The following ADGRB3 variants were observed in gnomAD, a reference collection of about 807,000 sequenced individuals.
ADGRB3 encodes the protein adhesion G protein-coupled receptor B3, also known as brain-specific angiogenesis inhibitor 3.
ADGRB3 carries 37 observed loss-of-function variants against 193.4 expected under a neutral mutation model. The ratio of observed to expected loss-of-function variants is 0.19; its 90% CI spans 0.15 to 0.25. ADGRB3 has a LOEUF of 0.25. ADGRB3 is among the 10% of genes least tolerant of loss of function. The probability of loss-of-function intolerance (pLI) is 1.00; values close to 1 mark genes in which losing one functional copy is unlikely to be tolerated. For missense variants in ADGRB3, 1,637 were observed against 1,852.9 expected (o/e 0.88, Z 2.14); for synonymous variants, 690 against 644.2 (o/e 1.07, Z -1.08).
At chr6:69,136,347 CA>C (rs563176611) in intron 17 of ADGRB3, among the ~76,000 whole-genome samples, 41 of 151,842 alleles carry the variant, frequency 2.7e-4, no homozygotes, top group Admixed American at 9.8e-4. Context: ...ATGATAACCT[CA>C]AAAAAATGAA....
chr6:69,000,316 G>A (rs2150278563), intron 11 of ADGRB3, among the ~76,000 whole-genome samples: 1 of 152,290 alleles, frequency 6.6e-6, no homozygotes, highest in East Asian at 1.9e-4. Context: ...TACAGGATTA[G>A]GTCCCTTTGA....
rs553037291 is a variant in ADGRB3 at position 69,143,323 on chromosome 6, C to T, written c.2480+67285C>T. Among the ~76,000 whole-genome samples the T allele has an allele frequency of 1.6e-4, 24 of 152,052 alleles. No homozygotes were observed. In the South Asian group the frequency reaches 1.9e-3, roughly 12 times the overall value. On this transcript the variant is annotated intron_variant, in intron 17 of 31. Transcript: ENST00000370598. ...TGGATAGTTTGAAAATATTTTCTCTCATTCTTTGGGTTGTCTCTTCACTTT... is the reference window on the plus strand; with the variant it reads ...TGGATAGTTTGAAAATATTTTCTCTTATTCTTTGGGTTGTCTCTTCACTTT...
At chr6:68,653,931 G>T (rs1469090575) in intron 3 of ADGRB3, among the ~76,000 whole-genome samples, 1 of 149,898 alleles carries the variant, frequency 6.7e-6, no homozygotes, top group East Asian at 2.0e-4. Flanking sequence ...TTCCTCCTTT[G>T]TTATTTTACT....
intron 17 of ADGRB3, among the ~76,000 whole-genome samples, chr6:69,103,857 A>T (rs1773135897): frequency 6.6e-6 from 1 of 151,698 alleles, no homozygotes. Context: ...TCAGGCAGTG[A>T]CAGTAGGAAA....
intron 3 of ADGRB3, among the ~76,000 whole-genome samples, chr6:68,822,190 A>G (rs2127380602): frequency 6.6e-6 from 1 of 152,026 alleles, no homozygotes; most frequent in South Asian, 2.1e-4. Context: ...GAGAAGACAG[A>G]CTAATCTCAA....
intron 17 of ADGRB3, among the ~76,000 whole-genome samples, chr6:69,173,720 A>AGG (rs1273217867): frequency 6.6e-6 from 1 of 152,066 alleles, no homozygotes; most frequent in Non-Finnish European, 1.5e-5. Context: ...CAGGACCTAG[A>AGG]GGGAATGGAA....
intron 17 of ADGRB3, among the ~76,000 whole-genome samples, chr6:69,229,264 A>T (rs1171048098): frequency 6.6e-6 from 1 of 152,184 alleles, no homozygotes; most frequent in African/African-American, 2.4e-5. Context: ...CTTCTATATT[A>T]TGAGAATAAT....
At chr6:68,921,767 T>C (rs1011171625) in intron 3 of ADGRB3, among the ~76,000 whole-genome samples, 3 of 151,686 alleles carry the variant, frequency 2.0e-5, no homozygotes, top group Non-Finnish European at 4.4e-5. Flanking sequence ...AGGACAGATA[T>C]TATCTTCTGA....
chr6:69,065,994 G>T (rs1771892505), intron 16 of ADGRB3, among the ~76,000 whole-genome samples: 1 of 151,884 alleles, frequency 6.6e-6, no homozygotes, highest in South Asian at 2.1e-4. Flanking sequence ...ATTTAGAGAT[G>T]ATTTCAAGTA....
chr6:69,173,257 C>T (rs1281919525), intron 17 of ADGRB3, among the ~76,000 whole-genome samples: 2 of 152,136 alleles, frequency 1.3e-5, no homozygotes, highest in Non-Finnish European at 2.9e-5. Context: ...AGGTTGGTCT[C>T]GAACTCCTGA....
chr6:69,195,908 A>G (rs1765284166), intron 17 of ADGRB3, among the ~76,000 whole-genome samples: 1 of 152,156 alleles, frequency 6.6e-6, no homozygotes, highest in African/African-American at 2.4e-5. Flanking sequence ...TTTGGAGTTT[A>G]GGAAACAACT....
intron 3 of ADGRB3, among the ~76,000 whole-genome samples, chr6:68,848,201 T>C (rs148200112): frequency 9.2e-4 from 140 of 152,156 alleles, no homozygotes; most frequent in Non-Finnish European, 1.5e-3. Context: ...AAAAAAACAA[T>C]GAAGAGGTAA....
intron 17 of ADGRB3, among the ~76,000 whole-genome samples, chr6:69,175,712 C>T (rs1003701761): frequency 4.6e-5 from 7 of 152,172 alleles, no homozygotes; most frequent in Admixed American, 4.6e-4. Context: ...TCATTGAATT[C>T]GTAGATTGCC....
chr6:69,096,456 C>T (rs1772880590), intron 17 of ADGRB3, among the ~76,000 whole-genome samples: 1 of 150,234 alleles, frequency 6.7e-6, no homozygotes, highest in African/African-American at 2.4e-5. Flanking sequence ...TCAAGAAAAC[C>T]ATTAACAATT....
At chr6:69,159,344 A>G (rs907782131) in intron 17 of ADGRB3, among the ~76,000 whole-genome samples, 11 of 152,134 alleles carry the variant, frequency 7.2e-5, no homozygotes, top group Non-Finnish European at 1.6e-4. Flanking sequence ...TGTATAAACT[A>G]TAATTTATTT....
chr6:69,124,762 T>C (rs1773810517), intron 17 of ADGRB3, among the ~76,000 whole-genome samples: 1 of 152,250 alleles, frequency 6.6e-6, no homozygotes. Context: ...CAATATGCTA[T>C]CAAATATCAT....
chr6:68,938,420 G>A (rs1173861244), intron 5 of ADGRB3, among the ~76,000 whole-genome samples: 2 of 135,114 alleles, frequency 1.5e-5, no homozygotes, highest in Non-Finnish European at 3.1e-5. Flanking sequence ...TTTTTATCTT[G>A]TATAACATGA....
At chr6:68,905,695 C>G (rs1349145681) in intron 3 of ADGRB3, among the ~76,000 whole-genome samples, 3 of 152,116 alleles carry the variant, frequency 2.0e-5, no homozygotes, top group Non-Finnish European at 2.9e-5. Flanking sequence ...ATCCCCACGT[C>G]TCCTTGCTTC....
intron 8 of ADGRB3, among the ~76,000 whole-genome samples, chr6:68,958,201 GA>G (rs967608908): frequency 2.1e-4 from 31 of 146,546 alleles, no homozygotes; most frequent in Admixed American, 3.4e-4. Flanking sequence ...ACTCTGTCTC[GA>G]AAAAAAAAAA....
Sources: gnomAD v4.1 joint callset for allele counts (sites outside exome capture counted in the v4.1 genomes callset) on GRCh38, gnomAD v4.1.1 for gene constraint, MANE v1.5 for transcripts, NCBI Gene and HGNC (gene_info 2026-07-23, HGNC 2026-07-21) for gene names.